KCNH5: variants seen among roughly 807,000 people sequenced by gnomAD.
The protein encoded by KCNH5 is potassium voltage-gated channel subfamily H member 5, also known as voltage-gated delayed rectifier potassium channel KCNH5.
Under a neutral mutation model 96.1 loss-of-function variants are expected in KCNH5, and 46 were observed. The observed-to-expected ratio is 0.48, with a 90% confidence interval of 0.38 to 0.61. The LOEUF (loss-of-function observed/expected upper bound fraction) is 0.61, where lower values mean the gene tolerates loss of function less well. KCNH5 is among the 20% of genes least tolerant of loss of function. The pLI is 0.00. For synonymous variants in KCNH5, 439 were observed against 449.8 expected (o/e 0.98, Z 0.30); for missense variants, 907 against 1,225.8 (o/e 0.74, Z 3.88).
intron 8 of KCNH5, among the ~76,000 whole-genome samples, chr14:62,821,586 T>G (rs1887114691): frequency 6.6e-6 from 1 of 152,154 alleles, no homozygotes; most frequent in Non-Finnish European, 1.5e-5. Flanking sequence ...CTAACTTGAA[T>G]TTTAGTTTAT....
intron 2 of KCNH5, 47 bp downstream of exon 2, chr14:63,016,783 AT>A: frequency 6.3e-7 from 1 of 1,583,810 alleles, no homozygotes; most frequent in Non-Finnish European, 8.6e-7. Flanking sequence ...TTACATTCAG[AT>A]TTTTGTTAAA....
chr14:62,773,178 A>C (rs1203021540), intron 10 of KCNH5, among the ~76,000 whole-genome samples: 3 of 152,208 alleles, frequency 2.0e-5, no homozygotes, highest in Admixed American at 6.5e-5. Context: ...TTCCAGTCTC[A>C]GCTCTACCAC....
intron 8 of KCNH5, among the ~76,000 whole-genome samples, chr14:62,811,374 C>T (rs1316624076): frequency 6.6e-6 from 1 of 152,124 alleles, no homozygotes; most frequent in Non-Finnish European, 1.5e-5. Flanking sequence ...TCCAACCATG[C>T]CTTCCAATAA....
intron 8 of KCNH5, among the ~76,000 whole-genome samples, chr14:62,818,989 C>G (rs183545772): frequency 8.6e-5 from 13 of 151,998 alleles, no homozygotes; most frequent in South Asian, 2.1e-4. Context: ...TTTTTTGAGA[C>G]GGAGTCTCGC....
At chr14:62,998,649 G>T (rs1442372828) in intron 4 of KCNH5, among the ~76,000 whole-genome samples, 2 of 152,062 alleles carry the variant, frequency 1.3e-5, no homozygotes, top group South Asian at 2.1e-4. Context: ...TTGATAAATT[G>T]TATTTTCATT....
chr14:62,791,363 A>G (rs1215897399), intron 9 of KCNH5, among the ~76,000 whole-genome samples: 1 of 151,552 alleles, frequency 6.6e-6, no homozygotes, highest in Admixed American at 6.6e-5. Flanking sequence ...ACAAGAAGGA[A>G]AAAAAAGGAC....
rs554047274 is a variant in KCNH5, at chr14:62,849,769, G to A, written c.1453C>T (p.Leu485=). The change falls in exon 8 of 11, where the codon CTG becomes TTG. Residue 485 remains leucine (L), a synonymous_variant. Coordinates refer to ENST00000322893, the MANE Select transcript of KCNH5 (RefSeq NM_139318.5). ...TTTAGGAAGTCCCGTACATTATTCA[G>A]CATCTCATGGTATCGGTTGGTGTTG... The part of the protein sequence containing the change: ...YANTNRYHEM[L]NNVRDFLKLY... The A allele has an allele frequency of 3.1e-6, 5 of 1,613,842 alleles. No homozygotes were observed. The African/African-American group carries it at 6.7e-5, about 22-fold the overall frequency.
chr14:62,876,808 T>A (rs1272846082), intron 7 of KCNH5, among the ~76,000 whole-genome samples: 2 of 152,276 alleles, frequency 1.3e-5, no homozygotes, highest in Admixed American at 1.3e-4. Flanking sequence ...GAAGTATGAA[T>A]AATTAAATAG....
chr14:62,883,752 T>C (rs1395886200), intron 7 of KCNH5, among the ~76,000 whole-genome samples: 2 of 151,878 alleles, frequency 1.3e-5, no homozygotes, highest in Non-Finnish European at 2.9e-5. Flanking sequence ...CACAGATATG[T>C]AGTACAATAA....
In KCNH5 at chr14:62,947,792, C is replaced by G. The variant is rs186902095; in HGVS notation, c.1369+2341G>C. Among the ~76,000 whole-genome samples the G allele has an allele frequency of 2.7e-5, 4 of 150,926 alleles. No individual in the cohort carries two copies. The East Asian group carries it at 7.7e-4, about 29-fold the overall frequency. Reference sequence around the variant, plus strand: ...AGAGGCGCTAATAATGCTAATCACACCTTCAGTACAATCTTTTTTATTTAT... The same window carrying G: ...AGAGGCGCTAATAATGCTAATCACAGCTTCAGTACAATCTTTTTTATTTAT... On this transcript the variant is annotated intron_variant, in intron 7 of 10. Transcript: ENST00000322893.
At chr14:62,772,713 AG>A (rs1435798952) in intron 10 of KCNH5, among the ~76,000 whole-genome samples, 14 of 152,046 alleles carry the variant, frequency 9.2e-5, no homozygotes, top group Non-Finnish European at 1.8e-4. Context: ...TATACTAACC[AG>A]TACAGCAGTA....
At chr14:62,903,406 CG>C (rs1888967447) in intron 7 of KCNH5, among the ~76,000 whole-genome samples, 1 of 152,072 alleles carries the variant, frequency 6.6e-6, no homozygotes, top group South Asian at 2.1e-4. Flanking sequence ...CCCAATACAG[CG>C]ACTGTCCATT....
intron 6 of KCNH5, among the ~76,000 whole-genome samples, chr14:62,962,127 G>C (rs1225913533): frequency 6.6e-6 from 1 of 152,150 alleles, no homozygotes; most frequent in Non-Finnish European, 1.5e-5. Context: ...CAGGGATGGA[G>C]ATGAAGATGG....
intron 6 of KCNH5, among the ~76,000 whole-genome samples, chr14:62,969,922 C>T (rs527306126): frequency 1.3e-5 from 2 of 150,074 alleles, no homozygotes; most frequent in Non-Finnish European, 3.0e-5. Context: ...ATTAGCCAGG[C>T]GTGGTGGCAT....
chr14:62,759,290 T>C (rs2139953598), intron 10 of KCNH5, among the ~76,000 whole-genome samples: 1 of 152,286 alleles, frequency 6.6e-6, no homozygotes, highest in South Asian at 2.1e-4. Context: ...TCCCACTGTC[T>C]GAAATCCAGA....
At chr14:62,989,180 T>C (rs984769877) in intron 4 of KCNH5, among the ~76,000 whole-genome samples, 2 of 152,002 alleles carry the variant, frequency 1.3e-5, no homozygotes, top group African/African-American at 2.4e-5. Flanking sequence ...CACATCCTCA[T>C]TGCTTGCAAA....
intron 8 of KCNH5, among the ~76,000 whole-genome samples, chr14:62,837,194 C>T (rs1227284484): frequency 6.6e-6 from 1 of 152,120 alleles, no homozygotes; most frequent in African/African-American, 2.4e-5. Flanking sequence ...TGTGTAACCA[C>T]AAAATAGTGC....
chr14:62,709,102 G>T (rs1300588470), intron 10 of KCNH5, among the ~76,000 whole-genome samples: 2 of 150,992 alleles, frequency 1.3e-5, no homozygotes, highest in African/African-American at 2.4e-5. Context: ...GCGCAGTGGC[G>T]GGCGCCTGTA....
intron 1 of KCNH5, among the ~76,000 whole-genome samples, chr14:63,025,852 C>A (rs11158467): frequency 6.6e-6 from 1 of 151,042 alleles, no homozygotes. Flanking sequence ...TTCACAGAAA[C>A]AGAAAAAAAA....
Sources: allele counts gnomAD v4.1 joint callset (sites outside exome capture counted in the v4.1 genomes callset), GRCh38; gene constraint gnomAD v4.1.1; transcripts MANE v1.5; gene names NCBI Gene and HGNC (gene_info 2026-07-23, HGNC 2026-07-21).